The following TBX4 variants were observed in gnomAD, a reference collection of about 807,000 sequenced individuals.
TBX4 encodes T-box transcription factor TBX4.
TBX4 carries 13 observed loss-of-function variants against 54.6 expected under a neutral mutation model. The ratio of observed to expected loss-of-function variants is 0.24; its 90% CI spans 0.15 to 0.38. The LOEUF (loss-of-function observed/expected upper bound fraction) is 0.38. TBX4 is among the 10% of genes least tolerant of loss of function. The pLI, the probability that TBX4 is intolerant of heterozygous loss-of-function variation, is 1.00. For synonymous variants in TBX4, 314 were observed against 306.7 expected (o/e 1.02, Z -0.25); for missense variants, 631 against 728.5 (o/e 0.87, Z 1.54).
chr17:61,475,689 T>C lies in TBX4; in HGVS notation c.550-2938T>C, dbSNP rs1233772336. On this transcript the variant is annotated intron_variant, in intron 5 of 8. Coordinates refer to ENST00000644296, the MANE Select transcript of TBX4 (RefSeq NM_001321120.2). This position sits in a 1 kb window ranked among gnomAD's most constrained non-coding sequence, Gnocchi z 5.0. ...TGACGAGCCCACGACTGCTTGTGAC[T>C]GCCCAGGTGTCACAGGAGCAGGGTG... Among the ~76,000 whole-genome samples, 2 of 152,162 alleles carry C rather than the reference T, an allele frequency of 1.3e-5. No homozygotes were observed. Among genetic ancestry groups the C allele is most frequent in the Non-Finnish European group, 2.9e-5 (2 of 68,028 alleles).
chr17:61,469,982 C>A (rs913173351), intron 5 of TBX4, among the ~76,000 whole-genome samples: 1 of 152,220 alleles, frequency 6.6e-6, no homozygotes, highest in Non-Finnish European at 1.5e-5. Flanking sequence ...CTTTCTCCAG[C>A]CACATGGGCT....
At chr17:61,469,871 G>A (rs2143831468) in intron 5 of TBX4, among the ~76,000 whole-genome samples, 1 of 152,342 alleles carries the variant, frequency 6.6e-6, no homozygotes, top group East Asian at 1.9e-4. Context: ...CTCAGTGCAA[G>A]AGGCTGGGGA....
Position 61,462,606 on chromosome 17 carries a change from A to T in TBX4, c.282-3213A>T, listed in dbSNP as rs1468525060. ...GGCTGGCTGGGGCGGACCCAGAGGT[A>T]GAGCGCAGAGTGCCCGGGACAGGCG... On this transcript the variant is annotated intron_variant, in intron 3 of 8. Coordinates refer to ENST00000644296, the MANE Select transcript of TBX4 (RefSeq NM_001321120.2). The surrounding 1 kb of genome is among the most constrained non-coding windows in gnomAD (Gnocchi z 4.5). Among the ~76,000 whole-genome samples, 1 of 152,078 alleles carries T rather than the reference A, an allele frequency of 6.6e-6. No individual in the cohort carries two copies. The highest frequency in any genetic ancestry group is 1.5e-5 in the Non-Finnish European group (1 of 67,986).
Position 61,459,722 on chromosome 17 carries a change from A to G in TBX4, c.281+2091A>G, listed in dbSNP as rs1012695963. On this transcript the variant is annotated intron_variant, in intron 3 of 8. Coordinates refer to ENST00000644296, the MANE Select transcript of TBX4 (RefSeq NM_001321120.2). This position sits in a 1 kb window ranked among gnomAD's most constrained non-coding sequence, Gnocchi z 4.8. ...ATGGACCTTAGGGAATTATGATAAT[A>G]TTTCTAAAATGGCTGTGATGATGTT... 6.6e-6 allele frequency among the ~76,000 whole-genome samples: 1 copy of G among 152,144 alleles called. No homozygotes were observed. The highest frequency in any genetic ancestry group is 1.5e-5 in the Non-Finnish European group (1 of 68,042).
At position 61,460,455 on chromosome 17, in the gene TBX4, G is replaced by A. The variant is rs2060486511; in HGVS notation, c.281+2824G>A. ...AGAAGAATCCCTTTCACTGGATAGT[G>A]ACTTTGAACTGCCAAACAATTTGGC... On this transcript the variant is annotated intron_variant, in intron 3 of 8. Transcript: ENST00000644296. The surrounding 1 kb of genome is among the most constrained non-coding windows in gnomAD (Gnocchi z 4.4). 6.6e-6 allele frequency among the ~76,000 whole-genome samples: 1 copy of A among 152,310 alleles called. No individual in the cohort carries two copies. The highest frequency in any genetic ancestry group is 2.4e-5 in the African/African-American group (1 of 41,576).
intron 2 of TBX4, 82 bp downstream of exon 2, chr17:61,456,758 G>A: frequency 8.8e-7 from 1 of 1,140,504 alleles, no homozygotes; most frequent in Non-Finnish European, 1.1e-6. Context: ...CCGTCCGATT[G>A]TCGGCAGGAC....
chr17:61,454,806 G>A (rs1296633742), intron 1 of TBX4, among the ~76,000 whole-genome samples: 1 of 152,230 alleles, frequency 6.6e-6, no homozygotes, highest in African/African-American at 2.4e-5. Context: ...CAAGAGCCCA[G>A]CAGAGGACCC....
At position 61,483,501 on chromosome 17, in the gene TBX4, C is replaced by T. The variant is rs1444181934; in HGVS notation, c.1626C>T (p.Asn542=). The T allele has an allele frequency of 6.2e-7, 1 of 1,614,154 alleles. No homozygotes were observed. Among genetic ancestry groups the T allele is most frequent in the African/African-American group, 1.3e-5 (1 of 75,020 alleles). ...QYHSGMGTVE[N]WTDG ...ATTCAGGAATGGGGACTGTGGAGAA[C>T]TGGACTGACGGATGACTCTCACGTC... is the stretch of plus-strand genomic sequence containing the variant. Residue 542 remains asparagine, a synonymous_variant, in exon 9 of 9, where the codon AAC becomes AAT. Coordinates refer to ENST00000644296, the MANE Select transcript of TBX4 (RefSeq NM_001321120.2). The surrounding 1 kb of genome is among the most constrained non-coding windows in gnomAD (Gnocchi z 6.6).
Position 61,484,443 on chromosome 17 carries a change from C to G in TBX4, c.*927C>G, listed in dbSNP as rs1292482983. 6.6e-6 allele frequency: 1 copy of G among 152,102 alleles called. No homozygotes were observed. Among genetic ancestry groups the G allele is most frequent in the Non-Finnish European group, 1.5e-5 (1 of 68,012 alleles). 9.4% of individuals were successfully genotyped at this position (152,102 alleles called of 1,614,324 possible). On this transcript the variant is annotated 3_prime_UTR_variant, in exon 9 of 9. Coordinates refer to ENST00000644296, the MANE Select transcript of TBX4 (RefSeq NM_001321120.2). This position sits in a 1 kb window ranked among gnomAD's most constrained non-coding sequence, Gnocchi z 4.1. ...TCAGCTGGCATCATCCCCAGGAGGC[C>G]ACACTGGAGCTGATGTCTGGCATCT...
rs1306664799 is a variant in TBX4, at chr17:61,476,235, G to A, written c.550-2392G>A. 1.3e-5 allele frequency among the ~76,000 whole-genome samples: 2 copies of A among 152,240 alleles called. No homozygotes were observed. The highest frequency in any genetic ancestry group is 2.9e-5 in the Non-Finnish European group (2 of 68,038). On this transcript the variant is annotated intron_variant, in intron 5 of 8. Transcript: ENST00000644296. This position sits in a 1 kb window ranked among gnomAD's most constrained non-coding sequence, Gnocchi z 6.5. ...GATAACACATGAGAAGTAAGTTTCA[G>A]AACTGGGCGTTCAGAGCAGGCCCTT...
In TBX4 at chr17:61,484,825, AAATG is replaced by A. The variant is rs1168736487; in HGVS notation, c.*1316_*1319del. On this transcript the variant is annotated 3_prime_UTR_variant, in exon 9 of 9. Coordinates refer to ENST00000644296, the MANE Select transcript of TBX4 (RefSeq NM_001321120.2). The surrounding 1 kb of genome is among the most constrained non-coding windows in gnomAD (Gnocchi z 4.1). The stretch of plus-strand genomic sequence containing the variant: ...TGTCAAATTCAGCTTTGCTTTCTAC[AAATG>A]AATGAACTTAATAAAAATAAACGTT... The A allele has an allele frequency of 6.7e-6, 1 of 148,438 alleles. No homozygotes were observed. Among genetic ancestry groups the A allele is most frequent in the Non-Finnish European group, 1.5e-5 (1 of 67,234 alleles). The allele number at this position is 148,438 out of a possible 1,614,324, so 9.2% of individuals were successfully genotyped here.
At chr17:61,477,968 A>AAAAG (rs911248882) in intron 5 of TBX4, among the ~76,000 whole-genome samples, 1 of 151,904 alleles carries the variant, frequency 6.6e-6, no homozygotes, top group Non-Finnish European at 1.5e-5. Context: ...AAGAAAAAGA[A>AAAAG]AAAGAAAGAA....
rs1016270613 is a variant in TBX4, at chr17:61,457,822, G to A, written c.281+191G>A. Among the ~76,000 whole-genome samples, 8 of 152,206 alleles carry A rather than the reference G, an allele frequency of 5.3e-5. No individual in the cohort carries two copies. The highest frequency in any genetic ancestry group is 8.8e-5 in the Non-Finnish European group (6 of 68,044). On this transcript the variant is annotated intron_variant, in intron 3 of 8. Coordinates refer to ENST00000644296, the MANE Select transcript of TBX4 (RefSeq NM_001321120.2). This position sits in a 1 kb window ranked among gnomAD's most constrained non-coding sequence, Gnocchi z 8.2. ...AAGCCCGCAGGGGGCCACCGCAGCC[G>A]CGCGGGCCTTGCGGGAAAGACCGAG...
chr17:61,468,803 C>T (rs1216710236), intron 5 of TBX4, among the ~76,000 whole-genome samples: 2 of 152,178 alleles, frequency 1.3e-5, no homozygotes, highest in Non-Finnish European at 2.9e-5. Flanking sequence ...GAGGATCAGC[C>T]AAGTTCCCAC....
intron 1 of TBX4, among the ~76,000 whole-genome samples, chr17:61,454,476 G>A (rs541150640): frequency 8.5e-4 from 129 of 152,394 alleles, no homozygotes; most frequent in African/African-American, 2.9e-3. Context: ...CGGCGGCCGA[G>A]CGCGCCCAAG....
At position 61,472,965 on chromosome 17, in the gene TBX4, T is replaced by C. The variant is rs2060591508; in HGVS notation, c.549+5308T>C. Among the ~76,000 whole-genome samples the C allele has an allele frequency of 6.6e-6, 1 of 152,228 alleles. No individual in the cohort carries two copies. Among genetic ancestry groups the C allele is most frequent in the Non-Finnish European group, 1.5e-5 (1 of 68,046 alleles). ...AGACTGGATAATAGGTTTTAGTGTT[T>C]GGCAGGACTGGGCCTCCTTGATCTT... On this transcript the variant is annotated intron_variant, in intron 5 of 8. Coordinates refer to ENST00000644296, the MANE Select transcript of TBX4 (RefSeq NM_001321120.2). This position sits in a 1 kb window ranked among gnomAD's most constrained non-coding sequence, Gnocchi z 4.5.
At chr17:61,467,727 T>C in intron 5 of TBX4, 70 bp downstream of exon 5, 1 of 1,596,068 alleles carries the variant, frequency 6.3e-7, no homozygotes, top group Non-Finnish European at 8.6e-7. Context: ...CAGGCCAGGA[T>C]GGGGATAGGG....
intron 5 of TBX4, among the ~76,000 whole-genome samples, chr17:61,473,644 C>T (rs1474365228): frequency 6.6e-6 from 1 of 152,240 alleles, no homozygotes; most frequent in African/African-American, 2.4e-5. Flanking sequence ...TGAACTCAGG[C>T]TTGGAAACTA....
In TBX4 at chr17:61,483,304, C is replaced by T; in HGVS notation, c.1429C>T (p.Gln477Ter). ...AAATGCCCACTTTAGTGTCTACAATCAGCTCTCCCAGTCTCAGGTCCGAGA... is the reference window on the plus strand; with the variant it reads ...AAATGCCCACTTTAGTGTCTACAATTAGCTCTCCCAGTCTCAGGTCCGAGA... ...PGNAHFSVYN[Q>*]LSQSQVRERG... Residue 477 changes from glutamine (Q) to a stop codon, truncating the protein, a stop_gained, in exon 9 of 9, where the codon CAG becomes TAG. Transcript: ENST00000644296. LOFTEE classifies it high-confidence loss of function. The surrounding 1 kb of genome is among the most constrained non-coding windows in gnomAD (Gnocchi z 6.6). 1 of 1,612,664 alleles carries T rather than the reference C, an allele frequency of 6.2e-7. No individual in the cohort carries two copies. Among genetic ancestry groups the T allele is most frequent in the Non-Finnish European group, 8.5e-7 (1 of 1,178,700 alleles).
Sources: gnomAD v4.1 joint callset for allele counts (sites outside exome capture counted in the v4.1 genomes callset) on GRCh38, gnomAD v4.1.1 for gene constraint, Gnocchi (gnomAD v3.1) non-coding constraint, MANE v1.5 for transcripts, NCBI Gene and HGNC (gene_info 2026-07-23, HGNC 2026-07-21) for gene names.